RIPOR3: variants seen among roughly 807,000 people sequenced by gnomAD.
The protein encoded by RIPOR3 is family with sequence similarity 65 member C.
Under a neutral mutation model 114.3 loss-of-function variants are expected in RIPOR3, and 95 were observed. That is an observed-to-expected ratio of 0.83 (90% CI 0.70 to 0.99). The LOEUF (loss-of-function observed/expected upper bound fraction) is 0.99, where lower values mean the gene tolerates loss of function less well. RIPOR3 is among the 50% of genes least tolerant of loss of function. The pLI, the probability that RIPOR3 is intolerant of heterozygous loss-of-function variation, is 0.00. For synonymous variants in RIPOR3, 575 were observed against 543.8 expected (o/e 1.06, Z -0.80); for missense variants, 1,252 against 1,266.9 (o/e 0.99, Z 0.18).
At chr20:50,666,181 C>CCTTCTTTTCTTTTCTTTTCTTTTCTTTT (rs1600720832) in intron 1 of RIPOR3, among the ~76,000 whole-genome samples, 1 of 14,926 alleles carries the variant, frequency 6.7e-5, no homozygotes, top group Non-Finnish European at 4.5e-4. Flanking sequence ...GAAAGGACAC[C>CCTTCTTTTCTTTTCTTTTCTTTTCTTTT]CATTTCTTTT....
intron 1 of RIPOR3, among the ~76,000 whole-genome samples, chr20:50,650,411 TCC>T (rs2085558546): frequency 6.6e-6 from 1 of 152,006 alleles, no homozygotes; most frequent in Non-Finnish European, 1.5e-5. Flanking sequence ...CAAACAATCC[TCC>T]CACCTCAGCC....
Position 50,620,144 on chromosome 20 carries a change from G to A in RIPOR3, c.123-12C>T, listed in dbSNP as rs373232673. On this transcript the variant is annotated splice_polypyrimidine_tract_variant and intron_variant, in intron 2 of 21. Coordinates refer to ENST00000327979, the MANE Select transcript of RIPOR3 (RefSeq NM_001290268.2). ...TGTTGATGGACTTTCTGTGAGAAGG[G>A]TTGGAGGGCAAGAGAAGTCAGAGAA... is the stretch of plus-strand genomic sequence containing the variant. The A allele has an allele frequency of 2.7e-5, 43 of 1,612,476 alleles. No homozygotes were observed. In the East Asian group the frequency reaches 4.0e-4, roughly 15 times the overall value.
At chr20:50,593,281 A>G in intron 17 of RIPOR3, 85 bp from the exon 18 acceptor site, 1 of 1,490,606 alleles carries the variant, frequency 6.7e-7, no homozygotes, top group Non-Finnish European at 9.0e-7. Context: ...GTCAGCTAAA[A>G]GGCTTTCTGG....
intron 1 of RIPOR3, among the ~76,000 whole-genome samples, chr20:50,639,510 C>T (rs34634704): frequency 0.13 from 19,207 of 152,092 alleles, 1,345 homozygotes; most frequent in Admixed American, 0.17. Flanking sequence ...GAGGCTGAGG[C>T]TCGAGATGGA....
At chr20:50,592,227 G>T in intron 19 of RIPOR3, 117 bp downstream of exon 19, 1 of 1,058,204 alleles carries the variant, frequency 9.4e-7, no homozygotes, top group Non-Finnish European at 1.3e-6. Context: ...CATCAAAATA[G>T]CTCACAGCTA....
At chr20:50,676,901 A>C (rs939500377) in intron 1 of RIPOR3, among the ~76,000 whole-genome samples, 1 of 151,148 alleles carries the variant, frequency 6.6e-6, no homozygotes. Flanking sequence ...ACCCACACCC[A>C]GCCCAGATAC....
intron 1 of RIPOR3, among the ~76,000 whole-genome samples, chr20:50,671,810 A>AGATGGATG (rs1182300032): frequency 6.7e-6 from 1 of 150,268 alleles, no homozygotes; most frequent in Non-Finnish European, 1.5e-5. Flanking sequence ...ATGGATGGAT[A>AGATGGATG]GATGGATGGA....
At chr20:50,604,851 T>C in intron 11 of RIPOR3, 77 bp from the exon 12 acceptor site, 2 of 1,552,006 alleles carry the variant, frequency 1.3e-6, no homozygotes, top group Non-Finnish European at 8.7e-7. Context: ...CACAGGGCTC[T>C]TAGGTTATGC....
intron 16 of RIPOR3, 51 bp from the exon 17 acceptor site, chr20:50,594,765 A>G: frequency 6.4e-7 from 1 of 1,570,998 alleles, no homozygotes; most frequent in Non-Finnish European, 8.7e-7. Context: ...AGAGCACATG[A>G]CAAGGACCCG....
chr20:50,624,760 G>A (rs1025656375), intron 2 of RIPOR3, among the ~76,000 whole-genome samples: 4 of 152,310 alleles, frequency 2.6e-5, no homozygotes, highest in South Asian at 2.1e-4. Flanking sequence ...GCAACCTGCC[G>A]GCCCCAGCCC....
intron 19 of RIPOR3, among the ~76,000 whole-genome samples, chr20:50,591,142 A>G (rs2083093664): frequency 6.6e-6 from 1 of 152,236 alleles, no homozygotes; most frequent in African/African-American, 2.4e-5. Flanking sequence ...GATTGATTGG[A>G]AGCCATCAGC....
Position 50,596,225 on chromosome 20 carries a change from G to GGTGA in RIPOR3, c.1828_1829insTCAC (p.Ala610ValfsTer36), listed in dbSNP as rs747842460. The GGTGA allele has an allele frequency of 3.1e-6, 5 of 1,614,194 alleles. No homozygotes were observed. The Admixed American group carries it at 8.3e-5, about 27-fold the overall frequency. ...ACCGGCTGTGAGTTCCCTGGATGACGCTTTCAGTGATGACGGTGGGGGCAG... is the reference window on the plus strand; with the variant it reads ...ACCGGCTGTGAGTTCCCTGGATGACGGTGACTTTCAGTGATGACGGTGGGGGCAG... On this transcript the variant is annotated frameshift_variant, in exon 15 of 22. Transcript: ENST00000327979. LOFTEE classifies it high-confidence loss of function.
At chr20:50,625,710 G>C (rs989780677) in intron 2 of RIPOR3, among the ~76,000 whole-genome samples, 4 of 152,148 alleles carry the variant, frequency 2.6e-5, no homozygotes, top group Non-Finnish European at 5.9e-5. Flanking sequence ...CTGAGGAGGG[G>C]CAGGAAAGGG....
intron 1 of RIPOR3, among the ~76,000 whole-genome samples, chr20:50,641,260 G>A (rs1270180458): frequency 1.3e-5 from 2 of 151,972 alleles, no homozygotes; most frequent in African/African-American, 4.8e-5. Flanking sequence ...TATCACCCAG[G>A]CTGGAGTGCA....
chr20:50,604,571 C>T, intron 12 of RIPOR3, 74 bp downstream of exon 12: 1 of 1,498,996 alleles, frequency 6.7e-7, no homozygotes, highest in Non-Finnish European at 8.9e-7. Flanking sequence ...GGCCAGACTG[C>T]TCAGCCCAGC....
intron 20 of RIPOR3, among the ~76,000 whole-genome samples, chr20:50,589,255 G>A (rs1174481602): frequency 6.6e-6 from 1 of 151,704 alleles, no homozygotes; most frequent in African/African-American, 2.4e-5. Context: ...CATTGTTTCT[G>A]CTACATTCTA....
chr20:50,594,694 T>C lies in RIPOR3; in HGVS notation c.2071A>G (p.Thr691Ala). 1.2e-6 allele frequency: 2 copies of C among 1,612,082 alleles called. No individual in the cohort carries two copies. Among genetic ancestry groups the C allele is most frequent in the Non-Finnish European group, 1.7e-6 (2 of 1,178,634 alleles). The change falls in exon 17 of 22, where the codon ACG (threonine) becomes GCG (alanine). Residue 691 changes from threonine to alanine, a missense_variant. Coordinates refer to ENST00000327979, the MANE Select transcript of RIPOR3 (RefSeq NM_001290268.2). ...IEEIIPQASR[T>A]KGCLKLWRGC... Reference sequence around the variant, plus strand: ...CTCCACAGCTTCAGGCACCCCTTCGTCCGCGAGGCCTGTGGGATGACTGAA... The same window carrying C: ...CTCCACAGCTTCAGGCACCCCTTCGCCCGCGAGGCCTGTGGGATGACTGAA...
intron 1 of RIPOR3, among the ~76,000 whole-genome samples, chr20:50,637,459 G>C (rs142686025): frequency 6.6e-6 from 1 of 152,022 alleles, no homozygotes; most frequent in African/African-American, 2.4e-5. Flanking sequence ...CCCCTCACCC[G>C]TATCCTTCAA....
At chr20:50,617,751 G>C (rs375047246) in intron 3 of RIPOR3, among the ~76,000 whole-genome samples, 1 of 145,902 alleles carries the variant, frequency 6.9e-6, no homozygotes, top group African/African-American at 2.6e-5. Flanking sequence ...TCAGCCTCCC[G>C]AGTAGCTGGG....
Sources: gnomAD v4.1 joint callset for allele counts (sites outside exome capture counted in the v4.1 genomes callset) on GRCh38, gnomAD v4.1.1 for gene constraint, MANE v1.5 for transcripts, NCBI Gene and HGNC (gene_info 2026-07-23, HGNC 2026-07-21) for gene names.